CALN1: variants seen among roughly 807,000 people sequenced by gnomAD.
CALN1 encodes calneuron 1, also known as calcium-binding protein 8.
A neutral mutation model predicts 30.6 loss-of-function variants in CALN1; 17 were observed. The observed-to-expected ratio is 0.56, with a 90% CI of 0.38 to 0.83. The LOEUF is 0.83. Ranked by LOEUF, CALN1 falls within the 40% of genes least tolerant of loss-of-function variation. The pLI, the probability that CALN1 is intolerant of heterozygous loss-of-function variation, is 0.00. For synonymous variants in CALN1, 156 were observed against 131.4 expected (o/e 1.19, Z -1.28); for missense variants, 291 against 354.9 (o/e 0.82, Z 1.45).
At chr7:72,306,598 TAA>T (rs1799668296) in intron 2 of CALN1, among the ~76,000 whole-genome samples, 1 of 149,082 alleles carries the variant, frequency 6.7e-6, no homozygotes. Flanking sequence ...CTAAAGCTTT[TAA>T]ATAAACTCTC....
At chr7:72,003,313 T>C (rs1032482752) in intron 5 of CALN1, among the ~76,000 whole-genome samples, 6 of 152,234 alleles carry the variant, frequency 3.9e-5, no homozygotes, top group Non-Finnish European at 7.4e-5. Flanking sequence ...AATTACAAAA[T>C]GTGGGTGAAA....
At chr7:71,972,761 G>T (rs538429988) in intron 5 of CALN1, among the ~76,000 whole-genome samples, 2 of 152,140 alleles carry the variant, frequency 1.3e-5, no homozygotes, top group Non-Finnish European at 2.9e-5. Context: ...TTGATGGGCC[G>T]TTAAGCTCCC....
At chr7:71,799,580 C>T (rs531668867) in intron 6 of CALN1, among the ~76,000 whole-genome samples, 15 of 152,160 alleles carry the variant, frequency 9.9e-5, no homozygotes, top group Admixed American at 5.2e-4. Context: ...ATTCTCCTGC[C>T]TCAGCCTCCC....
chr7:72,171,369 A>G (rs764766570), intron 3 of CALN1, among the ~76,000 whole-genome samples: 1 of 152,148 alleles, frequency 6.6e-6, no homozygotes, highest in Non-Finnish European at 1.5e-5. Context: ...ACACACCTAT[A>G]AATCCAGTGT....
At chr7:71,951,784 G>GGCTC (rs1337202760) in intron 5 of CALN1, among the ~76,000 whole-genome samples, 3 of 152,154 alleles carry the variant, frequency 2.0e-5, no homozygotes, top group Non-Finnish European at 4.4e-5. Context: ...TGGCATCTAT[G>GGCTC]GCTCAGTGGC....
At chr7:72,372,553 G>C (rs902214823) in intron 2 of CALN1, among the ~76,000 whole-genome samples, 1 of 152,164 alleles carries the variant, frequency 6.6e-6, no homozygotes, top group Admixed American at 6.5e-5. Flanking sequence ...AATTTCATGA[G>C]TATATTGATT....
At chr7:72,365,421 G>T (rs1252381983) in intron 2 of CALN1, among the ~76,000 whole-genome samples, 1 of 152,114 alleles carries the variant, frequency 6.6e-6, no homozygotes, top group Non-Finnish European at 1.5e-5. Flanking sequence ...CTAGCAAAGT[G>T]CATAAAATGA....
At chr7:71,935,458 C>T (rs922180034) in intron 5 of CALN1, among the ~76,000 whole-genome samples, 8 of 152,298 alleles carry the variant, frequency 5.3e-5, no homozygotes, top group African/African-American at 9.6e-5. Flanking sequence ...AGGCCAGGTG[C>T]GGTGTTTCAA....
In CALN1 at chr7:71,787,045, A is replaced by G. The variant is rs1793017987; in HGVS notation, c.*730T>C. Reference sequence around the variant, plus strand: ...CAGCACAGGCGGCAAAGCTGGGAGAAAGGCTCTCTGCAGGTTCCAAAATGC... The same window carrying G: ...CAGCACAGGCGGCAAAGCTGGGAGAGAGGCTCTCTGCAGGTTCCAAAATGC... On this transcript the variant is annotated 3_prime_UTR_variant, in exon 7 of 7. Transcript: ENST00000395275. The G allele has an allele frequency of 6.5e-6, 1 of 152,752 alleles. No homozygotes were observed. Among genetic ancestry groups the G allele is most frequent in the Non-Finnish European group, 1.5e-5 (1 of 68,144 alleles). The allele number at this position is 152,752 out of a possible 1,614,324, so 9.5% of individuals were successfully genotyped here. A position where few individuals can be genotyped will look rare whatever the true frequency, so the allele number is the denominator to read the frequency against.
intron 2 of CALN1, among the ~76,000 whole-genome samples, chr7:72,400,933 G>A (rs1165288074): frequency 2.0e-5 from 3 of 152,142 alleles, no homozygotes; most frequent in Non-Finnish European, 2.9e-5. Context: ...GACACATCAA[G>A]GAGACTCCTC....
intron 4 of CALN1, among the ~76,000 whole-genome samples, chr7:72,058,207 G>A (rs1228001323): frequency 6.6e-6 from 1 of 151,398 alleles, no homozygotes; most frequent in Non-Finnish European, 1.5e-5. Context: ...GATCGTAAGT[G>A]CAATTGTTTC....
chr7:71,985,654 G>A (rs1412347459), intron 5 of CALN1, among the ~76,000 whole-genome samples: 1 of 136,662 alleles, frequency 7.3e-6, no homozygotes, highest in Admixed American at 8.4e-5. Context: ...CAGTGGCTCA[G>A]TATCAGCTCA....
intron 5 of CALN1, among the ~76,000 whole-genome samples, chr7:71,831,921 A>G (rs1266577209): frequency 6.6e-6 from 1 of 151,470 alleles, no homozygotes; most frequent in Non-Finnish European, 1.5e-5. Context: ...AGAAAACTAA[A>G]TAATAAGAAA....
intron 5 of CALN1, among the ~76,000 whole-genome samples, chr7:71,933,545 C>G (rs1319014991): frequency 6.6e-6 from 1 of 152,174 alleles, no homozygotes; most frequent in African/African-American, 2.4e-5. Context: ...TTACCCTAGA[C>G]AACCACACCG....
At chr7:71,990,909 CAGCACA>C (rs1341325230) in intron 5 of CALN1, among the ~76,000 whole-genome samples, 1 of 152,106 alleles carries the variant, frequency 6.6e-6, no homozygotes, top group Non-Finnish European at 1.5e-5. Flanking sequence ...CAGTTTCATA[CAGCACA>C]ACATACACTC....
At chr7:72,339,986 T>TAACATCTTAGTGTCC (rs1229689872) in intron 2 of CALN1, among the ~76,000 whole-genome samples, 1 of 152,116 alleles carries the variant, frequency 6.6e-6, no homozygotes, top group African/African-American at 2.4e-5. Flanking sequence ...AATCTAAACA[T>TAACATCTTAGTGTCC]AACATCTTAG....
chr7:72,178,557 C>T (rs1789537058), intron 3 of CALN1, among the ~76,000 whole-genome samples: 1 of 151,948 alleles, frequency 6.6e-6, no homozygotes, highest in Non-Finnish European at 1.5e-5. Context: ...GGCGTGGTGG[C>T]ACGCACCTGT....
At chr7:72,480,969 T>C in the CALN1 span, among the ~76,000 whole-genome samples, 1 of 152,186 alleles carries the variant, frequency 6.6e-6, no homozygotes, top group Non-Finnish European at 1.5e-5. Flanking sequence ...TTTGTTGTTG[T>C]TTTTTGAGAC....
intron 5 of CALN1, among the ~76,000 whole-genome samples, chr7:71,873,001 ATTTTT>A (rs371153112): frequency 8.6e-6 from 1 of 115,618 alleles, no homozygotes; most frequent in African/African-American, 3.6e-5. Context: ...GTTTGTGACA[ATTTTT>A]TTTTTTTTTT....
Sources: gnomAD v4.1 joint callset for allele counts (sites outside exome capture counted in the v4.1 genomes callset) on GRCh38, gnomAD v4.1.1 for gene constraint, MANE v1.5 for transcripts, NCBI Gene and HGNC (gene_info 2026-07-23, HGNC 2026-07-21) for gene names.